CABLES2: variants seen among roughly 807,000 people sequenced by gnomAD.
The protein encoded by CABLES2 is CDK5 and ABL1 enzyme substrate 2.
CABLES2 carries 35 observed loss-of-function variants against 44.8 expected under a neutral mutation model. That is an observed-to-expected ratio of 0.78 (90% CI 0.60 to 1.04). The LOEUF (loss-of-function observed/expected upper bound fraction) is 1.04, where lower values mean the gene tolerates loss of function less well. Among genes scored for constraint, CABLES2 ranks in the 50% least tolerant of loss-of-function variants. The pLI, the probability that CABLES2 is intolerant of heterozygous loss-of-function variation, is 0.00. For synonymous variants in CABLES2, 282 were observed against 281.1 expected, an observed-to-expected ratio of 1.00 and a Z score of -0.03; for missense variants, 566 against 615.7, an observed-to-expected ratio of 0.92 and a Z score of 0.85.
intron 1 of CABLES2, among the ~76,000 whole-genome samples, chr20:62,399,654 C>G (rs1301540130): frequency 7.3e-6 from 1 of 136,800 alleles, no homozygotes; most frequent in African/African-American, 2.7e-5. Context: ...AGTGCAGTGG[C>G]ACAATCTTGG....
At position 62,407,194 on chromosome 20, in the gene CABLES2, G is replaced by A; in HGVS notation, c.83C>T (p.Ala28Val). The A allele has an allele frequency of 1.0e-6, 1 of 985,774 alleles. No individual in the cohort carries two copies. The allele number at this position is 985,774 out of a possible 1,614,324, so 61.1% of individuals were successfully genotyped here. Residue 28 changes from alanine (A) to valine (V), a missense_variant, in exon 1 of 10, where the codon GCC becomes GTC. Ala to Val is a moderately conservative substitution (Grantham distance 64, BLOSUM62 0). Transcript: ENST00000279101. ...GPPPPAAPTS[A>V]ARAPPQALRR... ...CAGCGCCTGCGGCGGGGCCCGAGCG[G>A]CCGAGGTCGGCGCGGCGGGTGGCGG...
chr20:62,394,908 C>T (rs771104317), intron 4 of CABLES2, 29 bp downstream of exon 4: 22 of 1,602,118 alleles, frequency 1.4e-5, no homozygotes, highest in South Asian at 3.3e-5. Context: ...AGATGGACAC[C>T]GCATGCGAGG....
intron 1 of CABLES2, among the ~76,000 whole-genome samples, chr20:62,398,295 CGAT>C (rs1988120530): frequency 1.3e-5 from 1 of 78,368 alleles, no homozygotes; most frequent in Non-Finnish European, 2.5e-5. Context: ...GTGATGGTGG[CGAT>C]GGTGATGACG....
chr20:62,391,813 T>C lies in CABLES2; in HGVS notation c.1092-360A>G, dbSNP rs1451545006. 1.3e-5 allele frequency among the ~76,000 whole-genome samples: 2 copies of C among 151,796 alleles called. No homozygotes were observed. Among genetic ancestry groups the C allele is most frequent in the South Asian group, 2.1e-4 (1 of 4,796 alleles). On this transcript the variant is annotated intron_variant, in intron 8 of 9. Transcript: ENST00000279101. This position sits in a 1 kb window ranked among gnomAD's most constrained non-coding sequence, Gnocchi z 5.7. ...AGCCTTGAAGGGAGGTGCCAGGGTA[T>C]TGAGTGAGCTGCCCTCTGGAACACT...
chr20:62,399,571 C>T (rs1213459021), intron 1 of CABLES2, among the ~76,000 whole-genome samples: 64 of 137,712 alleles, frequency 4.6e-4, no homozygotes, highest in South Asian at 1.2e-3. Context: ...AACAGATGCT[C>T]GACTGATGAT....
chr20:62,397,941 GTGGTGA>G (rs1445802709), intron 1 of CABLES2, among the ~76,000 whole-genome samples: 56,266 of 135,248 alleles, frequency 0.42, 15,124 homozygotes, highest in African/African-American at 0.68. Context: ...GGTGGTGATG[GTGGTGA>G]CGGTAGTGGT....
chr20:62,396,261 C>G lies in CABLES2; in HGVS notation c.527+54G>C. The G allele has an allele frequency of 6.8e-7, 1 of 1,464,120 alleles. No homozygotes were observed. The highest frequency in any genetic ancestry group is 9.6e-7 in the Non-Finnish European group (1 of 1,044,430). 90.7% of individuals were successfully genotyped at this position (1,464,120 alleles called of 1,614,324 possible). On this transcript the variant is annotated intron_variant, in intron 3 of 9. Transcript: ENST00000279101. This position sits in a 1 kb window ranked among gnomAD's most constrained non-coding sequence, Gnocchi z 5.7. ...TTGCTTGGCTGACAGGGGCAGGACC[C>G]CGTGGGCTTATGGAGACCACAGCCC...
At chr20:62,399,972 G>A (rs1210990061) in intron 1 of CABLES2, among the ~76,000 whole-genome samples, 2 of 152,222 alleles carry the variant, frequency 1.3e-5, no homozygotes, top group Non-Finnish European at 2.9e-5. Flanking sequence ...GGGGTACCAA[G>A]TACAGTTTGA....
intron 1 of CABLES2, among the ~76,000 whole-genome samples, chr20:62,398,095 T>TGGTGGTGAC (rs1988088147): frequency 7.3e-6 from 1 of 136,466 alleles, no homozygotes; most frequent in Non-Finnish European, 1.6e-5. Flanking sequence ...GTGACGGTGG[T>TGGTGGTGAC]GGTGGTGGTG....
intron 1 of CABLES2, among the ~76,000 whole-genome samples, chr20:62,401,265 C>T (rs773327604): frequency 2.0e-5 from 3 of 152,228 alleles, no homozygotes; most frequent in South Asian, 2.1e-4. Flanking sequence ...CAGGGCAGGG[C>T]GGCCAAGTGG....
chr20:62,400,670 CG>C, intron 1 of CABLES2, among the ~76,000 whole-genome samples: 1 of 152,222 alleles, frequency 6.6e-6, no homozygotes, highest in African/African-American at 2.4e-5. Context: ...TTTGGAGGCC[CG>C]TGGGGGTCCC....
At chr20:62,395,055 G>A (rs146261288) in intron 3 of CABLES2, 41 bp from the exon 4 acceptor site, 14 of 1,467,842 alleles carry the variant, frequency 9.5e-6, no homozygotes, top group Middle Eastern at 1.7e-4. Flanking sequence ...GCCGGGGAGC[G>A]GGGCTCAAGG....
At position 62,390,504 on chromosome 20, in the gene CABLES2, GC is replaced by G. The variant is rs1390536310; in HGVS notation, c.*466del. The G allele has an allele frequency of 6.3e-6, 1 of 157,600 alleles. No individual in the cohort carries two copies. Among genetic ancestry groups the G allele is most frequent in the Non-Finnish European group, 1.4e-5 (1 of 71,086 alleles). The allele number at this position is 157,600 out of a possible 1,614,324, so 9.8% of individuals were successfully genotyped here. On this transcript the variant is annotated 3_prime_UTR_variant, in exon 10 of 10. Coordinates refer to ENST00000279101, the MANE Select transcript of CABLES2 (RefSeq NM_031215.3). ...GAAAAACCACATCTCCAAGATGAAT[GC>G]CTAAATAAGTTAAACTCAGCCATTC...
chr20:62,398,009 T>TATGACGGTGGTG (rs1555890720), intron 1 of CABLES2, among the ~76,000 whole-genome samples: 19,998 of 83,576 alleles, frequency 0.24, 2,154 homozygotes, highest in Middle Eastern at 0.38. Flanking sequence ...TGGTGATGGT[T>TATGACGGTGGTG]ATGGCGGTGG....
In CABLES2 at chr20:62,407,121, G is replaced by A. The variant is rs961201179; in HGVS notation, c.156C>T (p.Leu52=). 4 of 1,037,822 alleles carry A rather than the reference G, an allele frequency of 3.9e-6. No individual in the cohort carries two copies. In the African/African-American group the frequency reaches 6.9e-5, roughly 18 times the overall value. 64.3% of individuals were successfully genotyped at this position (1,037,822 alleles called of 1,614,324 possible). ...SRRRQAALFF[L]NNISLDGRPP... The stretch of plus-strand genomic sequence containing the variant: ...GCCGCCCGTCCAGGGAGATGTTGTT[G>A]AGGAAGAAAAGCGCGGCCTGGCGGC... The change falls in exon 1 of 10, where the codon CTC becomes CTT. Residue 52 remains leucine, a synonymous_variant. Coordinates refer to ENST00000279101, the MANE Select transcript of CABLES2 (RefSeq NM_031215.3).
intron 1 of CABLES2, among the ~76,000 whole-genome samples, chr20:62,398,088 A>ATGGTGGGGG (rs1569017555): frequency 1.9e-5 from 1 of 52,162 alleles, no homozygotes; most frequent in Non-Finnish European, 4.0e-5. Context: ...GGTGGTGGTG[A>ATGGTGGGGG]CGGTGGTGGT....
At chr20:62,401,726 G>T (rs1335154806) in intron 1 of CABLES2, among the ~76,000 whole-genome samples, 5 of 152,338 alleles carry the variant, frequency 3.3e-5, no homozygotes, top group African/African-American at 1.2e-4. Context: ...GGTGACACAG[G>T]TCCCCTCAGT....
chr20:62,392,794 T>C (rs1272298498), intron 7 of CABLES2, 126 bp downstream of exon 7: 1 of 837,274 alleles, frequency 1.2e-6, no homozygotes, highest in Non-Finnish European at 2.0e-6. Flanking sequence ...CTGTCTGTGC[T>C]GCTGCGATCC....
intron 1 of CABLES2, among the ~76,000 whole-genome samples, chr20:62,399,240 A>ATATTTTATTT (rs60092988): frequency 0.02 from 2,923 of 149,000 alleles, 120 homozygotes; most frequent in African/African-American, 0.068. Flanking sequence ...GTGAGCCACC[A>ATATTTTATTT]TATTTTATTT....
Sources: allele counts gnomAD v4.1 joint callset (sites outside exome capture counted in the v4.1 genomes callset), GRCh38; gene constraint gnomAD v4.1.1; non-coding constraint Gnocchi (gnomAD v3.1); transcripts MANE v1.5; gene names NCBI Gene and HGNC (gene_info 2026-07-23, HGNC 2026-07-21).